SLC25A21: variants seen among roughly 807,000 people sequenced by gnomAD.
The protein encoded by SLC25A21 is solute carrier family 25 member 21, also known as mitochondrial 2-oxodicarboxylate carrier.
Under a neutral mutation model 43.8 loss-of-function variants are expected in SLC25A21, and 47 were observed. The observed-to-expected ratio is 1.07, with a 90% CI of 0.85 to 1.37. The LOEUF (loss-of-function observed/expected upper bound fraction) is 1.37, where lower values mean the gene tolerates loss of function less well. Ranked by LOEUF, SLC25A21 falls within the 40% of genes most tolerant of loss-of-function variation. The pLI is 0.00. For missense variants in SLC25A21, 352 were observed against 350.2 expected (o/e 1.00, Z -0.04); for synonymous variants, 131 against 121.3 (o/e 1.08, Z -0.52).
chr14:36,858,635 G>C (rs1226487848), intron 2 of SLC25A21, among the ~76,000 whole-genome samples: 2 of 152,080 alleles, frequency 1.3e-5, no homozygotes, highest in Non-Finnish European at 1.5e-5. Flanking sequence ...AGTTATGTTT[G>C]ATTTGGGAAT....
At chr14:36,890,524 A>G (rs1891046235) in intron 1 of SLC25A21, among the ~76,000 whole-genome samples, 1 of 152,142 alleles carries the variant, frequency 6.6e-6, no homozygotes, top group Admixed American at 6.6e-5. Context: ...GGCAGAAAAT[A>G]AGAGATGAAG....
intron 1 of SLC25A21, among the ~76,000 whole-genome samples, chr14:36,879,117 T>C (rs1400706883): frequency 6.6e-6 from 1 of 152,240 alleles, no homozygotes; most frequent in Non-Finnish European, 1.5e-5. Context: ...AGAGATAAAA[T>C]GTCTTCAAGT....
chr14:37,040,373 GAGAAAGAAAGAAAGAAAGAA>G (rs767966979), intron 1 of SLC25A21, among the ~76,000 whole-genome samples: 579 of 20,942 alleles, frequency 0.028, 21 homozygotes, highest in South Asian at 0.037. Context: ...GAGAGAGAGA[GAGAAAGAAAGAAAGAAAGAA>G]AGAAAGAAAG....
intron 2 of SLC25A21, among the ~76,000 whole-genome samples, chr14:36,818,724 A>G (rs781644131): frequency 4.6e-5 from 7 of 152,216 alleles, no homozygotes; most frequent in Non-Finnish European, 2.9e-5. Context: ...TCAAGTTGAT[A>G]TAATTATAGT....
At chr14:36,762,990 C>G (rs930774760) in intron 3 of SLC25A21, among the ~76,000 whole-genome samples, 3 of 152,192 alleles carry the variant, frequency 2.0e-5, no homozygotes, top group African/African-American at 7.2e-5. Context: ...GATACATGAG[C>G]TTACAACTAC....
intron 3 of SLC25A21, among the ~76,000 whole-genome samples, chr14:36,743,516 A>G (rs1885362434): frequency 6.6e-6 from 1 of 152,094 alleles, no homozygotes; most frequent in Non-Finnish European, 1.5e-5. Flanking sequence ...AAAGTCCTTC[A>G]CCAGAATATA....
intron 2 of SLC25A21, among the ~76,000 whole-genome samples, chr14:36,850,086 A>T (rs965975221): frequency 6.6e-6 from 1 of 152,104 alleles, no homozygotes; most frequent in Admixed American, 6.5e-5. Flanking sequence ...AAATTTAGGG[A>T]TGGGGTGCAT....
chr14:36,980,187 T>C (rs1014154198), intron 1 of SLC25A21, among the ~76,000 whole-genome samples: 1 of 152,240 alleles, frequency 6.6e-6, no homozygotes, highest in Non-Finnish European at 1.5e-5. Flanking sequence ...CATCTTTTCC[T>C]TCATTTCAAC....
At chr14:36,995,020 T>C (rs1347329404) in intron 1 of SLC25A21, among the ~76,000 whole-genome samples, 5 of 152,204 alleles carry the variant, frequency 3.3e-5, no homozygotes, top group Admixed American at 6.6e-5. Flanking sequence ...CCGTTTTCCC[T>C]GATCCTGGGT....
intron 1 of SLC25A21, among the ~76,000 whole-genome samples, chr14:37,044,651 A>G (rs1416223112): frequency 2.0e-5 from 3 of 152,178 alleles, no homozygotes; most frequent in African/African-American, 7.2e-5. Flanking sequence ...TTTGATGTAC[A>G]TTATTGGGCT....
At chr14:37,006,784 C>G (rs896371293) in intron 1 of SLC25A21, among the ~76,000 whole-genome samples, 5 of 152,014 alleles carry the variant, frequency 3.3e-5, no homozygotes, top group Non-Finnish European at 7.4e-5. Context: ...GATGTCATAT[C>G]TGATAAGTGA....
chr14:36,846,067 C>A (rs984715440), intron 2 of SLC25A21, among the ~76,000 whole-genome samples: 2 of 152,128 alleles, frequency 1.3e-5, no homozygotes, highest in African/African-American at 4.8e-5. Context: ...CTCCTTTATA[C>A]CCAGAGCTCC....
intron 2 of SLC25A21, chr14:36,871,093 C>G (rs1351106911): frequency 6.6e-6 from 1 of 152,338 alleles, no homozygotes; most frequent in Non-Finnish European, 1.5e-5. Flanking sequence ...GCAGAGTGTC[C>G]CCTGGCTATG....
At chr14:36,687,732 G>T (rs912031928) in intron 7 of SLC25A21, among the ~76,000 whole-genome samples, 2 of 152,166 alleles carry the variant, frequency 1.3e-5, no homozygotes, top group African/African-American at 4.8e-5. Context: ...TCGCATGAAT[G>T]CAGCATCTCA....
intron 1 of SLC25A21, among the ~76,000 whole-genome samples, chr14:37,028,036 T>TAATATTTTA (rs1415354434): frequency 6.6e-6 from 1 of 152,210 alleles, no homozygotes; most frequent in Non-Finnish European, 1.5e-5. Flanking sequence ...GAAAACATTT[T>TAATATTTTA]AATATTTTAA....
intron 3 of SLC25A21, among the ~76,000 whole-genome samples, chr14:36,803,908 C>T (rs1053144732): frequency 3.3e-5 from 5 of 152,146 alleles, no homozygotes; most frequent in African/African-American, 7.2e-5. Flanking sequence ...GTGAAATAAC[C>T]GAGTTAAGTT....
At chr14:36,961,906 T>C (rs2138675040) in intron 1 of SLC25A21, among the ~76,000 whole-genome samples, 1 of 152,206 alleles carries the variant, frequency 6.6e-6, no homozygotes. Context: ...TCTGTATGTC[T>C]GAAAACATAA....
intron 1 of SLC25A21, among the ~76,000 whole-genome samples, chr14:36,895,727 C>T (rs1891218623): frequency 6.6e-6 from 1 of 152,142 alleles, no homozygotes; most frequent in Admixed American, 6.5e-5. Flanking sequence ...TCCAGAGATT[C>T]TGGTATGTTG....
intron 1 of SLC25A21, among the ~76,000 whole-genome samples, chr14:37,000,881 G>C (rs1197762878): frequency 6.6e-6 from 1 of 152,110 alleles, no homozygotes; most frequent in African/African-American, 2.4e-5. Flanking sequence ...AGTTTCCTGA[G>C]GCCTCCCAGT....
Sources: allele counts gnomAD v4.1 joint callset (sites outside exome capture counted in the v4.1 genomes callset), GRCh38; gene constraint gnomAD v4.1.1; transcripts MANE v1.5; gene names NCBI Gene and HGNC (gene_info 2026-07-23, HGNC 2026-07-21).